ZFP64: variants seen among roughly 807,000 people sequenced by gnomAD.
ZFP64 encodes zinc finger protein 64.
ZFP64 carries 14 observed loss-of-function variants against 51.6 expected under a neutral mutation model. That is an observed-to-expected ratio of 0.27 (90% CI 0.18 to 0.42). ZFP64 has a LOEUF of 0.42. ZFP64 is among the 10% of genes least tolerant of loss of function. The probability of loss-of-function intolerance (pLI) is 1.00; values close to 1 mark genes in which losing one functional copy is unlikely to be tolerated. For missense variants in ZFP64, 754 were observed against 906.8 expected (o/e 0.83, Z 2.16); for synonymous variants, 375 against 361.4 (o/e 1.04, Z -0.43).
rs1459458263 is a variant in ZFP64, at chr20:52,085,333, C to T, written c.1229-67G>A. ...AACAGACCCTCCCACCCCAACCTGC[C>T]TTAGCACACTTGGCCGCCATGAGAT... On this transcript the variant is annotated intron_variant, in intron 8 of 8. Transcript: ENST00000361387. The surrounding 1 kb of genome is among the most constrained non-coding windows in gnomAD (Gnocchi z 4.3). 8.1e-6 allele frequency: 12 copies of T among 1,476,944 alleles called. No homozygotes were observed. The African/African-American group carries it at 1.7e-4, about 21-fold the overall frequency. 91.5% of individuals were successfully genotyped at this position (1,476,944 alleles called of 1,614,324 possible).
intron 4 of ZFP64, among the ~76,000 whole-genome samples, chr20:52,162,769 C>A (rs1291887649): frequency 2.0e-5 from 3 of 152,152 alleles, no homozygotes; most frequent in Non-Finnish European, 4.4e-5. Context: ...CAACACTGGG[C>A]AAATGCTGGA....
At chr20:52,146,392 T>A (rs1600751046), downstream of ZFP64, among the ~76,000 whole-genome samples, 1 of 128,544 alleles carries the variant, frequency 7.8e-6, no homozygotes, top group South Asian at 2.3e-4. Context: ...TGGAATACTA[T>A]GCAGCCATAA....
intron 5 of ZFP64, among the ~76,000 whole-genome samples, chr20:52,102,238 CCAGTGGTTCT>C (rs1380484110): frequency 6.6e-6 from 1 of 152,082 alleles, no homozygotes; most frequent in Non-Finnish European, 1.5e-5. Context: ...CAGCTCACAG[CCAGTGGTTCT>C]CAGACGTCAG....
At chr20:52,107,180 T>C (rs1259723281) in intron 5 of ZFP64, among the ~76,000 whole-genome samples, 1 of 152,120 alleles carries the variant, frequency 6.6e-6, no homozygotes, top group Non-Finnish European at 1.5e-5. Flanking sequence ...TCTGGGGAAG[T>C]TGAAAGAGGG....
intron 7 of ZFP64, among the ~76,000 whole-genome samples, chr20:52,092,446 CAA>C: frequency 6.6e-6 from 1 of 152,324 alleles, no homozygotes; most frequent in South Asian, 2.1e-4. Flanking sequence ...TACAGATACA[CAA>C]AGTCAATCGT....
In ZFP64 at chr20:52,187,055, C is replaced by T. The variant is rs529661940; in HGVS notation, c.63G>A (p.Thr21=). ...AGSVQIPGGT[T]VLVELTPDIH... ...TGTCGGGAGTCAGCTCCACCAGCAC[C>T]GTTGTGCCACCTGGAACTCCATGGG... The change falls in exon 2 of 6, where the codon ACG becomes ACA. Residue 21 remains threonine, a synonymous_variant. Transcript: ENST00000216923. 2.7e-5 allele frequency: 44 copies of T among 1,608,022 alleles called. No individual in the cohort carries two copies. The African/African-American group carries it at 3.9e-4, about 14-fold the overall frequency.
intron 7 of ZFP64, among the ~76,000 whole-genome samples, chr20:52,094,574 A>G (rs1051171724): frequency 4.6e-5 from 7 of 152,118 alleles, no homozygotes; most frequent in African/African-American, 1.2e-4. Flanking sequence ...TAGCCTTGAC[A>G]ATAGTGAGAC....
chr20:52,149,295 G>T, downstream of ZFP64, among the ~76,000 whole-genome samples: 1 of 146,818 alleles, frequency 6.8e-6, no homozygotes, highest in African/African-American at 2.5e-5. Context: ...AAAAAAAGCT[G>T]AATATGAGAG....
chr20:52,106,483 A>G (rs554880912), intron 5 of ZFP64, among the ~76,000 whole-genome samples: 53 of 152,040 alleles, frequency 3.5e-4, no homozygotes, highest in Non-Finnish European at 7.6e-4. Context: ...AGCGCCGCGT[A>G]TGAGTTTTAC....
intron 2 of ZFP64, among the ~76,000 whole-genome samples, 191 bp downstream of exon 2, chr20:52,186,641 A>T (rs1312303079): frequency 6.6e-6 from 1 of 151,860 alleles, no homozygotes; most frequent in Non-Finnish European, 1.5e-5. Flanking sequence ...AACTGCTAAC[A>T]GTTAATGTTT....
intron 5 of ZFP64, among the ~76,000 whole-genome samples, chr20:52,144,578 C>CAAAAAAAAAAAA (rs1156545584): frequency 4.3e-5 from 1 of 23,326 alleles, no homozygotes; most frequent in African/African-American, 1.8e-4. Context: ...GACTCCGTCT[C>CAAAAAAAAAAAA]AAAAAAAAAA....
intron 5 of ZFP64, chr20:52,117,660 T>C: frequency 4.4e-6 from 2 of 456,678 alleles, no homozygotes; most frequent in Non-Finnish European, 8.8e-6. Flanking sequence ...GATTCCCATG[T>C]GACTTCTTCT....
chr20:52,099,596 G>C (rs921022977), intron 5 of ZFP64, among the ~76,000 whole-genome samples: 2 of 152,204 alleles, frequency 1.3e-5, no homozygotes, highest in African/African-American at 4.8e-5. Context: ...TGCTACAGGG[G>C]TTTTATACTT....
chr20:52,154,243 G>C (rs3787178), intron 5 of ZFP64, among the ~76,000 whole-genome samples: 1 of 151,940 alleles, frequency 6.6e-6, no homozygotes, highest in Admixed American at 6.6e-5. Flanking sequence ...GATGGCTTCC[G>C]GGATGGCAGG....
At chr20:52,148,868 T>C (rs1980655050), downstream of ZFP64, among the ~76,000 whole-genome samples, 1 of 152,096 alleles carries the variant, frequency 6.6e-6, no homozygotes, top group African/African-American at 2.4e-5. Context: ...AGAATCTAAC[T>C]ACAGAAAAAG....
At chr20:52,115,604 G>A (rs1246456619) in intron 5 of ZFP64, among the ~76,000 whole-genome samples, 1 of 151,612 alleles carries the variant, frequency 6.6e-6, no homozygotes, top group Non-Finnish European at 1.5e-5. Context: ...TAGTAGAGAC[G>A]GGGTTTCACC....
intron 2 of ZFP64, among the ~76,000 whole-genome samples, chr20:52,184,915 A>G (rs1983852236): frequency 6.6e-6 from 1 of 152,232 alleles, no homozygotes; most frequent in Non-Finnish European, 1.5e-5. Context: ...GGTGTGAGCC[A>G]CTGCACCTGG....
intron 8 of ZFP64, among the ~76,000 whole-genome samples, chr20:52,087,899 T>C (rs1041710114): frequency 6.6e-6 from 1 of 152,202 alleles, no homozygotes; most frequent in Non-Finnish European, 1.5e-5. Flanking sequence ...TCATTGAAAA[T>C]TTTCAACTTA....
rs762585531 is a variant in ZFP64 at position 52,152,748 on chromosome 20, C to A, written c.1444G>T (p.Val482Leu). The A allele has an allele frequency of 2.5e-6, 4 of 1,588,840 alleles. No homozygotes were observed. Among genetic ancestry groups the A allele is most frequent in the Admixed American group, 1.7e-5 (1 of 59,040 alleles). The change falls in exon 6 of 6, where the codon GTG becomes TTG. Residue 482 changes from valine to leucine, a missense_variant. Val to Leu is a conservative substitution (Grantham distance 32, BLOSUM62 1). Coordinates refer to ENST00000216923, the MANE Select transcript of ZFP64 (RefSeq NM_018197.3). The stretch of plus-strand genomic sequence containing the variant: ...GGCACTTGGCTGGGCTGGAGGGGCA[C>A]CTGGAGGTGTCCCACAGTGAGGGGC... ...ATPLTVGHLQ[V>L]PLQPSQVPQF...
Sources: allele counts gnomAD v4.1 joint callset (sites outside exome capture counted in the v4.1 genomes callset), GRCh38; gene constraint gnomAD v4.1.1; non-coding constraint Gnocchi (gnomAD v3.1); transcripts MANE v1.5; gene names NCBI Gene and HGNC (gene_info 2026-07-23, HGNC 2026-07-21).